TDRD10: variants seen among roughly 807,000 people sequenced by gnomAD.
The protein encoded by TDRD10 is tudor domain-containing protein 10.
A neutral mutation model predicts 48.0 loss-of-function variants in TDRD10; 40 were observed. The ratio of observed to expected loss-of-function variants is 0.83; its 90% CI spans 0.65 to 1.09. The LOEUF (loss-of-function observed/expected upper bound fraction) is 1.09, where lower values mean the gene tolerates loss of function less well. TDRD10 is among the 50% of genes least tolerant of loss of function. The pLI, the probability that TDRD10 is intolerant of heterozygous loss-of-function variation, is 0.00. For missense variants in TDRD10, 378 were observed against 434.7 expected (o/e 0.87, Z 1.16); for synonymous variants, 162 against 170.4 (o/e 0.95, Z 0.38).
intron 6 of TDRD10, among the ~76,000 whole-genome samples, chr1:154,526,220 G>T (rs1399031665): frequency 1.6e-5 from 2 of 126,874 alleles, no homozygotes; most frequent in African/African-American, 5.6e-5. Context: ...AAAAAAAAAA[G>T]AAACTTGACA....
intron 11 of TDRD10, among the ~76,000 whole-genome samples, chr1:154,546,016 G>A (rs1204370815): frequency 3.1e-5 from 4 of 129,166 alleles, no homozygotes; most frequent in Non-Finnish European, 4.7e-5. Context: ...CTCGTGATCC[G>A]CCCACCTCGG....
intron 6 of TDRD10, among the ~76,000 whole-genome samples, chr1:154,538,545 T>C (rs1225839912): frequency 4.3e-5 from 3 of 69,078 alleles, no homozygotes; most frequent in South Asian, 6.8e-4. Flanking sequence ...AGCGAAACTC[T>C]ATCTCAAAAA....
At position 154,547,890 on chromosome 1, in the gene TDRD10, C is replaced by T. The variant is rs1458289196; in HGVS notation, c.*180C>T. 4 of 676,334 alleles carry T rather than the reference C, an allele frequency of 5.9e-6. No homozygotes were observed. The highest frequency in any genetic ancestry group is 5.4e-5 in the African/African-American group (3 of 55,278). 41.9% of individuals were successfully genotyped at this position (676,334 alleles called of 1,614,324 possible). A position where few individuals can be genotyped will look rare whatever the true frequency, so the allele number is the denominator to read the frequency against. On this transcript the variant is annotated 3_prime_UTR_variant, in exon 13 of 13. Transcript: ENST00000368482. ...TCCCTCTCAAAAGAGAGTGAAGTCT[C>T]ATTTGTCATGTGTCTTCAGTTCCCC...
intron 10 of TDRD10, 86 bp from the exon 11 acceptor site, chr1:154,544,709 C>A: frequency 6.5e-7 from 1 of 1,542,588 alleles, no homozygotes; most frequent in East Asian, 2.3e-5. Flanking sequence ...CTCCTACCTC[C>A]ACTTTCACAT....
chr1:154,520,338 C>A lies in TDRD10; in HGVS notation c.176C>A (p.Pro59His). 1 of 1,613,968 alleles carries A rather than the reference C, an allele frequency of 6.2e-7. No homozygotes were observed. Among genetic ancestry groups the A allele is most frequent in the Non-Finnish European group, 8.5e-7 (1 of 1,179,864 alleles). ...EILYLLKDFN[P>H]LDVHKIQNGC... ...CTGTACCTTCTAAAGGACTTCAACC[C>A]TCTTGATGTCCACAAAATCCAGAAT... is the stretch of plus-strand genomic sequence containing the variant. The change falls in exon 5 of 13, where the codon CCT (proline) becomes CAT (histidine). Residue 59 changes from proline to histidine, a missense_variant. Transcript: ENST00000368482.
chr1:154,521,595 G>A, intron 6 of TDRD10, 116 bp downstream of exon 6: 1 of 1,258,656 alleles, frequency 7.9e-7, no homozygotes. Context: ...TGGAGAAGAA[G>A]GCAGGGTCTC....
chr1:154,527,671 T>C (rs1694384459), intron 6 of TDRD10, among the ~76,000 whole-genome samples: 1 of 152,056 alleles, frequency 6.6e-6, no homozygotes. Context: ...TAAGTTAAAA[T>C]AAAGACCACC....
intron 6 of TDRD10, among the ~76,000 whole-genome samples, chr1:154,532,076 G>A (rs1694659262): frequency 6.6e-6 from 1 of 152,250 alleles, no homozygotes; most frequent in East Asian, 1.9e-4. Context: ...TGCCAGGCGG[G>A]TGCTGTGCGC....
At chr1:154,520,232 G>C (rs183425629) in intron 4 of TDRD10, 72 bp from the exon 5 acceptor site, 1 of 1,068,136 alleles carries the variant, frequency 9.4e-7, no homozygotes, top group Non-Finnish European at 1.5e-6. Flanking sequence ...AGCTGGCTGG[G>C]GATCTGAAAC....
chr1:154,521,465 CCTCGGG>C lies in TDRD10; in HGVS notation c.357_362del (p.Arg120_Ala121del). ...GAGGACCCCTGATATGATCCAGCAGCCTCGGGCCCCGCTGGTATGTCTTCTGGCCTT... is the reference window on the plus strand; with the variant it reads ...GAGGACCCCTGATATGATCCAGCAGCCCCCGCTGGTATGTCTTCTGGCCTT... On this transcript the variant is annotated inframe_deletion, in exon 6 of 13. Transcript: ENST00000368482. 6.2e-7 allele frequency: 1 copy of C among 1,613,900 alleles called. No individual in the cohort carries two copies. Among genetic ancestry groups the C allele is most frequent in the Non-Finnish European group, 8.5e-7 (1 of 1,180,024 alleles).
chr1:154,520,203 G>C (rs1693985604), intron 4 of TDRD10, 101 bp from the exon 5 acceptor site: 2 of 827,638 alleles, frequency 2.4e-6, no homozygotes, highest in African/African-American at 3.4e-5. Context: ...TTAAGTATGA[G>C]TTAAATTGAG....
intron 1 of TDRD10, among the ~76,000 whole-genome samples, chr1:154,505,797 T>C (rs987555724): frequency 1.2e-4 from 19 of 152,298 alleles, no homozygotes; most frequent in African/African-American, 4.6e-4. Flanking sequence ...CACGGAATTG[T>C]AGAAAAGTGC....
intron 6 of TDRD10, among the ~76,000 whole-genome samples, chr1:154,522,646 C>G (rs1260676635): frequency 6.6e-6 from 1 of 151,540 alleles, no homozygotes; most frequent in Non-Finnish European, 1.5e-5. Context: ...TCTCTATAAA[C>G]AGGAAAAAAA....
At chr1:154,540,611 C>A (rs2149349947) in intron 6 of TDRD10, among the ~76,000 whole-genome samples, 1 of 151,558 alleles carries the variant, frequency 6.6e-6, no homozygotes, top group African/African-American at 2.4e-5. Context: ...TTGGGCGGGT[C>A]TGTTGCAGAC....
intron 5 of TDRD10, among the ~76,000 whole-genome samples, 180 bp from the exon 6 acceptor site, chr1:154,521,143 A>G (rs1694031893): frequency 6.6e-6 from 1 of 152,188 alleles, no homozygotes; most frequent in African/African-American, 2.4e-5. Context: ...CCATGACAGT[A>G]TCTCACACTG....
intron 3 of TDRD10, 90 bp downstream of exon 3, chr1:154,507,410 T>A (rs1274537765): frequency 2.0e-5 from 29 of 1,461,776 alleles, no homozygotes; most frequent in Non-Finnish European, 2.5e-5. Flanking sequence ...CCAGTTTCTG[T>A]TCAATGTGAA....
intron 6 of TDRD10, among the ~76,000 whole-genome samples, chr1:154,541,447 G>A (rs991808304): frequency 2.6e-5 from 4 of 152,142 alleles, no homozygotes; most frequent in Non-Finnish European, 4.4e-5. Flanking sequence ...GTCAAGGTGC[G>A]TGGGTGGTGG....
intron 6 of TDRD10, 22 bp from the exon 7 acceptor site, chr1:154,542,002 G>T (rs1204131084): frequency 6.2e-7 from 1 of 1,613,516 alleles, no homozygotes; most frequent in East Asian, 2.2e-5. Flanking sequence ...GGCTGAGTGA[G>T]ACCTTTCATT....
intron 4 of TDRD10, among the ~76,000 whole-genome samples, chr1:154,513,004 C>T (rs1234421873): frequency 1.3e-5 from 2 of 151,982 alleles, no homozygotes; most frequent in African/African-American, 2.4e-5. Context: ...TATGATGAAA[C>T]GGGAATGGCC....
Sources: allele counts gnomAD v4.1 joint callset (sites outside exome capture counted in the v4.1 genomes callset), GRCh38; gene constraint gnomAD v4.1.1; transcripts MANE v1.5; gene names NCBI Gene and HGNC (gene_info 2026-07-23, HGNC 2026-07-21).